The following CALN1 variants were observed in gnomAD, a reference collection of about 807,000 sequenced individuals.
CALN1 encodes the protein calneuron 1, also known as calcium-binding protein 8.
In CALN1, 17 loss-of-function variants were observed where a neutral mutation model predicts 30.6. That is an observed-to-expected ratio of 0.56 (90% CI 0.38 to 0.83). The LOEUF (loss-of-function observed/expected upper bound fraction) is 0.83. Ranked by LOEUF, CALN1 falls within the 40% of genes least tolerant of loss-of-function variation. CALN1 has a pLI of 0.00. For synonymous variants in CALN1, 156 were observed against 131.4 expected, an observed-to-expected ratio of 1.19 and a Z score of -1.28; for missense variants, 291 against 354.9, an observed-to-expected ratio of 0.82 and a Z score of 1.45.
intron 5 of CALN1, among the ~76,000 whole-genome samples, chr7:71,881,715 A>C (rs1233391750): frequency 6.6e-6 from 1 of 152,092 alleles, no homozygotes; most frequent in Non-Finnish European, 1.5e-5. Flanking sequence ...TCAGGGTCCC[A>C]GTGCTGCTAT....
At chr7:72,142,829 T>C (rs928379887) in intron 3 of CALN1, among the ~76,000 whole-genome samples, 1 of 152,144 alleles carries the variant, frequency 6.6e-6, no homozygotes, top group East Asian at 1.9e-4. Context: ...ATATTCGCTG[T>C]TCTGCAGCCT....
At chr7:72,382,819 T>C (rs939040722) in intron 2 of CALN1, among the ~76,000 whole-genome samples, 5 of 151,960 alleles carry the variant, frequency 3.3e-5, no homozygotes, top group Non-Finnish European at 7.4e-5. Context: ...TGAGATGGAG[T>C]CTCACCATTG....
intron 5 of CALN1, among the ~76,000 whole-genome samples, chr7:71,954,934 C>T (rs543804636): frequency 6.6e-6 from 1 of 152,192 alleles, no homozygotes; most frequent in South Asian, 2.1e-4. Flanking sequence ...TTTATTTTAC[C>T]CACATCTTAC....
chr7:72,355,905 T>C (rs753733786), intron 2 of CALN1, among the ~76,000 whole-genome samples: 10 of 152,214 alleles, frequency 6.6e-5, no homozygotes, highest in Non-Finnish European at 1.3e-4. Context: ...ACATTTTAAA[T>C]GGGTGCATTT....
At chr7:72,146,895 T>A (rs965682802) in intron 3 of CALN1, among the ~76,000 whole-genome samples, 5 of 152,194 alleles carry the variant, frequency 3.3e-5, no homozygotes, top group African/African-American at 1.2e-4. Flanking sequence ...CAAATGGTGC[T>A]GGGAAAACTG....
At chr7:72,053,201 G>A (rs1802950648) in intron 4 of CALN1, among the ~76,000 whole-genome samples, 4 of 152,320 alleles carry the variant, frequency 2.6e-5, no homozygotes, top group East Asian at 3.9e-4. Context: ...CTGCACTCCA[G>A]CCTGGGTGAC....
intron 3 of CALN1, among the ~76,000 whole-genome samples, chr7:72,243,939 A>G (rs1446408597): frequency 6.6e-6 from 1 of 152,192 alleles, no homozygotes; most frequent in Non-Finnish European, 1.5e-5. Flanking sequence ...GTCACCATGA[A>G]TGCCGACTGT....
chr7:72,071,363 C>A (rs1227071627), intron 4 of CALN1, among the ~76,000 whole-genome samples: 1 of 152,154 alleles, frequency 6.6e-6, no homozygotes, highest in Non-Finnish European at 1.5e-5. Context: ...CCCAACCCTG[C>A]CCTGCAGCTG....
chr7:72,262,738 A>T (rs1394467593), intron 3 of CALN1, among the ~76,000 whole-genome samples: 1 of 152,112 alleles, frequency 6.6e-6, no homozygotes. Context: ...CGTTTTCTTT[A>T]AGAGGATCCT....
chr7:72,393,284 G>C (rs577474290), intron 2 of CALN1, among the ~76,000 whole-genome samples: 1 of 152,172 alleles, frequency 6.6e-6, no homozygotes, highest in East Asian at 1.9e-4. Flanking sequence ...CTAACACGGT[G>C]AAACCCCATC....
intron 4 of CALN1, among the ~76,000 whole-genome samples, chr7:72,033,398 A>T (rs1384235433): frequency 6.6e-6 from 1 of 152,232 alleles, no homozygotes; most frequent in African/African-American, 2.4e-5. Context: ...AAATTAGTTG[A>T]TGAAATCTCC....
At chr7:71,789,708 G>C (rs142832806) in intron 6 of CALN1, among the ~76,000 whole-genome samples, 20 of 152,240 alleles carry the variant, frequency 1.3e-4, no homozygotes, top group Middle Eastern at 3.4e-3. Context: ...GTTGTGCCAG[G>C]TCTTGCACTT....
chr7:72,171,127 C>T (rs1252638671), intron 3 of CALN1, among the ~76,000 whole-genome samples: 1 of 152,060 alleles, frequency 6.6e-6, no homozygotes, highest in Non-Finnish European at 1.5e-5. Flanking sequence ...CACTGCACTC[C>T]AGCCTGGGTG....
intron 5 of CALN1, among the ~76,000 whole-genome samples, chr7:72,019,301 A>G (rs911844511): frequency 2.0e-5 from 3 of 152,134 alleles, no homozygotes; most frequent in African/African-American, 7.2e-5. Context: ...GCAATGTCAG[A>G]TCAGAAGTTG....
At chr7:71,889,220 A>G (rs1368054004) in intron 5 of CALN1, among the ~76,000 whole-genome samples, 2 of 152,228 alleles carry the variant, frequency 1.3e-5, no homozygotes, top group Admixed American at 1.3e-4. Flanking sequence ...AGATCAAGGC[A>G]TCAGCAGATT....
At chr7:72,335,407 G>T (rs1009925330) in intron 2 of CALN1, among the ~76,000 whole-genome samples, 1 of 152,292 alleles carries the variant, frequency 6.6e-6, no homozygotes, top group African/African-American at 2.4e-5. Flanking sequence ...CGAATGTTGC[G>T]TGTGTCTCAA....
intron 3 of CALN1, among the ~76,000 whole-genome samples, chr7:72,143,410 A>T (rs1418434299): frequency 2.6e-5 from 4 of 152,342 alleles, no homozygotes; most frequent in African/African-American, 9.6e-5. Context: ...TGAAGCTAGA[A>T]GAGAACTTTA....
intron 5 of CALN1, among the ~76,000 whole-genome samples, chr7:71,980,569 G>A (rs1043898267): frequency 6.6e-6 from 1 of 152,108 alleles, no homozygotes; most frequent in Non-Finnish European, 1.5e-5. Context: ...ACTTTAAATG[G>A]TTCTTATCCT....
intron 1 of CALN1, among the ~76,000 whole-genome samples, chr7:72,406,028 C>T (rs1806671818): frequency 6.6e-6 from 1 of 152,228 alleles, no homozygotes; most frequent in Non-Finnish European, 1.5e-5. Flanking sequence ...AAGGTGGCAG[C>T]TCCCCGTAAG....
Sources: gnomAD v4.1 joint callset for allele counts (sites outside exome capture counted in the v4.1 genomes callset) on GRCh38, gnomAD v4.1.1 for gene constraint, MANE v1.5 for transcripts, NCBI Gene and HGNC (gene_info 2026-07-23, HGNC 2026-07-21) for gene names.